Variants in FOXK2 observed in about 807,000 individuals in gnomAD.
FOXK2 encodes forkhead box K2.
A neutral mutation model predicts 53.3 loss-of-function variants in FOXK2; 24 were observed. That is an observed-to-expected ratio of 0.45 (90% CI 0.33 to 0.63). The LOEUF (loss-of-function observed/expected upper bound fraction) is 0.63. Among genes scored for constraint, FOXK2 ranks in the 30% least tolerant of loss-of-function variants. FOXK2 has a pLI of 0.03. For missense variants in FOXK2, 952 were observed against 910.5 expected, an observed-to-expected ratio of 1.05 and a Z score of -0.59; for synonymous variants, 505 against 407.1, an observed-to-expected ratio of 1.24 and a Z score of -2.89.
chr17:82,539,302 AT>A lies in FOXK2; in HGVS notation c.419+18996del, dbSNP rs2044551892. Among the ~76,000 whole-genome samples, 2 of 69,052 alleles carry A rather than the reference AT, an allele frequency of 2.9e-5. 1 individual carries two copies. The highest frequency in any genetic ancestry group is 6.5e-5 in the Non-Finnish European group (2 of 30,788). 45.3% of individuals were successfully genotyped at this position (69,052 alleles called of 152,430 possible). On this transcript the variant is annotated intron_variant, in intron 1 of 8. Coordinates refer to ENST00000335255, the MANE Select transcript of FOXK2 (RefSeq NM_004514.4). ...CCGGGCGTGGTGGCTCAGGCCCGTA[AT>A]CTCAGCACTGTAAGGTGGCCGGGCG...
At chr17:82,520,786 C>G (rs190528414) in intron 1 of FOXK2, among the ~76,000 whole-genome samples, 82 of 152,272 alleles carry the variant, frequency 5.4e-4, no homozygotes, top group African/African-American at 1.6e-3. Context: ...TGAGCTGTTT[C>G]AAGAGTGCGG....
chr17:82,558,175 A>G (rs1289442515), intron 1 of FOXK2, among the ~76,000 whole-genome samples: 3 of 152,128 alleles, frequency 2.0e-5, no homozygotes, highest in Admixed American at 6.5e-5. Context: ...TCTACAAAAA[A>G]TGATAATAAT....
At chr17:82,581,935 C>T (rs909556609) in intron 4 of FOXK2, among the ~76,000 whole-genome samples, 5 of 152,104 alleles carry the variant, frequency 3.3e-5, no homozygotes, top group Non-Finnish European at 5.9e-5. Flanking sequence ...GTGTACGTTA[C>T]GAAATTATTT....
chr17:82,595,692 C>T (rs546851105), intron 8 of FOXK2: 1 of 1,073,154 alleles, frequency 9.3e-7, no homozygotes, highest in African/African-American at 1.6e-5. Context: ...GGGGTCGGTC[C>T]CTGTTATTAA....
intron 1 of FOXK2, among the ~76,000 whole-genome samples, chr17:82,559,908 G>A (rs1386981784): frequency 2.6e-5 from 4 of 151,468 alleles, no homozygotes; most frequent in Non-Finnish European, 4.4e-5. Flanking sequence ...CTTCTAAAAT[G>A]TAGTGATAAA....
At chr17:82,561,915 G>C (rs972108889) in intron 1 of FOXK2, among the ~76,000 whole-genome samples, 13 of 151,768 alleles carry the variant, frequency 8.6e-5, no homozygotes, top group South Asian at 6.3e-4. Flanking sequence ...TGGGGGGGGG[G>C]GGTGCCCGCA....
chr17:82,577,795 T>C (rs2045007332), intron 4 of FOXK2, among the ~76,000 whole-genome samples: 1 of 152,180 alleles, frequency 6.6e-6, no homozygotes, highest in African/African-American at 2.4e-5. Flanking sequence ...TGGAGTGCAG[T>C]GGCGCGATCT....
At chr17:82,578,804 G>A (rs188953503) in intron 4 of FOXK2, among the ~76,000 whole-genome samples, 11 of 152,282 alleles carry the variant, frequency 7.2e-5, no homozygotes, top group South Asian at 2.1e-4. Context: ...CTTACTTTGC[G>A]TCTCGTAAGT....
intron 1 of FOXK2, among the ~76,000 whole-genome samples, chr17:82,522,041 C>CTTTTT (rs924582731): frequency 1.7e-4 from 18 of 107,262 alleles, no homozygotes; most frequent in African/African-American, 2.8e-4. Flanking sequence ...TTTAATCTGA[C>CTTTTT]TTTTTTTTTT....
At chr17:82,577,424 C>T (rs1218099740) in intron 4 of FOXK2, 1 of 415,238 alleles carries the variant, frequency 2.4e-6, no homozygotes, top group Non-Finnish European at 4.5e-6. Flanking sequence ...CCTACCCCGC[C>T]TGTGGCCCAA....
At chr17:82,587,404 C>T (rs769117488) in intron 8 of FOXK2, 132 bp downstream of exon 8, 6 of 735,068 alleles carry the variant, frequency 8.2e-6, no homozygotes, top group South Asian at 1.7e-5. Flanking sequence ...TTCGAAGCTG[C>T]AGGAAATCTA....
chr17:82,545,225 C>T (rs2044613564), intron 1 of FOXK2, among the ~76,000 whole-genome samples: 8 of 152,188 alleles, frequency 5.3e-5, no homozygotes, highest in Admixed American at 5.2e-4. Flanking sequence ...GACGTGACGT[C>T]ATCAGCATCC....
intron 1 of FOXK2, among the ~76,000 whole-genome samples, chr17:82,545,222 C>T (rs1223996786): frequency 5.9e-5 from 9 of 152,160 alleles, no homozygotes; most frequent in African/African-American, 1.7e-4. Context: ...GAAGACGTGA[C>T]GTCATCAGCA....
At chr17:82,531,055 CT>C (rs1344426583) in intron 1 of FOXK2, among the ~76,000 whole-genome samples, 1 of 152,174 alleles carries the variant, frequency 6.6e-6, no homozygotes, top group African/African-American at 2.4e-5. Flanking sequence ...CTTTGCCAAG[CT>C]TCCCCCTGGA....
intron 3 of FOXK2, among the ~76,000 whole-genome samples, chr17:82,568,652 CT>C (rs2044879155): frequency 2.0e-5 from 3 of 152,368 alleles, no homozygotes; most frequent in Non-Finnish European, 4.4e-5. Flanking sequence ...CGTTTGTATT[CT>C]TTGACCCAGT....
rs1268296220 is a variant in FOXK2 at position 82,584,031 on chromosome 17, C to G, written c.1122C>G (p.Pro374=). ...PLSSRSAPAS[P]NHAGVLSAHS... The stretch of plus-strand genomic sequence containing the variant: ...GACACAGGAGTGCCCCAGCCTCTCC[C>G]AATCACGCGGGAGTGCTGTCTGCTC... Residue 374 remains proline (P), a synonymous_variant, in exon 6 of 9, where the codon CCC becomes CCG. Transcript: ENST00000335255. 1 of 1,602,638 alleles carries G rather than the reference C, an allele frequency of 6.2e-7. No individual in the cohort carries two copies. Among genetic ancestry groups the G allele is most frequent in the South Asian group, 1.1e-5 (1 of 90,168 alleles).
rs200809204 is a variant in FOXK2, at chr17:82,586,006, C to T, written c.1382C>T (p.Ser461Leu). Residue 461 changes from serine (S) to leucine (L), a missense_variant, in exon 7 of 9, where the codon TCG becomes TTG. Around this residue, in one of 5 missense-constraint regions of FOXK2, gnomAD observed 551 missense variants for 385.1 expected, o/e 1.43. Transcript: ENST00000335255. ...TYTVATPVTTSTSQPPVVQTV... is the reference protein window; with the variant it reads ...TYTVATPVTTLTSQPPVVQTV... ...ACTGTGGCCACCCCAGTGACCACCT[C>T]GACCTCCCAGCCACCCGTCGTGCAG... 4.2e-4 allele frequency: 682 copies of T among 1,612,802 alleles called. 2 individuals carry two copies. Among genetic ancestry groups the T allele is most frequent in the Middle Eastern group, 1.8e-3 (11 of 6,062 alleles).
chr17:82,593,280 C>G (rs930875448), intron 8 of FOXK2: 5 of 152,142 alleles, frequency 3.3e-5, no homozygotes, highest in Non-Finnish European at 7.3e-5. Context: ...TGAAAGCAGA[C>G]CCTGTGAAGG....
chr17:82,604,381 C>A lies in FOXK2; in HGVS notation c.*2882C>A. 6.6e-6 allele frequency: 1 copy of A among 152,394 alleles called. No homozygotes were observed. 9.4% of individuals were successfully genotyped at this position (152,394 alleles called of 1,614,324 possible). A position where few individuals can be genotyped will look rare whatever the true frequency, so the allele number is the denominator to read the frequency against. On this transcript the variant is annotated 3_prime_UTR_variant, in exon 9 of 9. Transcript: ENST00000335255. ...TACCCACTTCCGTCATTGTCCTCCG[C>A]TAGAATAACAGAGTAGTTGGTAGTC...
Sources: gnomAD v4.1 joint callset for allele counts (sites outside exome capture counted in the v4.1 genomes callset) on GRCh38, gnomAD v4.1.1 for gene constraint, gnomAD v4.1.1 regional missense constraint, MANE v1.5 for transcripts, NCBI Gene and HGNC (gene_info 2026-07-23, HGNC 2026-07-21) for gene names.